Variants in TAOK3 observed in about 807,000 individuals in gnomAD.
TAOK3 encodes TAO kinase 3, also known as serine/threonine-protein kinase TAO3.
TAOK3 carries 40 observed loss-of-function variants against 120.4 expected under a neutral mutation model. The observed-to-expected ratio is 0.33, with a 90% CI of 0.26 to 0.43. The LOEUF is 0.43. TAOK3 is among the 20% of genes least tolerant of loss of function. The probability of loss-of-function intolerance (pLI) is 1.00; values close to 1 mark genes in which losing one functional copy is unlikely to be tolerated. For missense variants in TAOK3, 821 were observed against 1,112.1 expected (o/e 0.74, Z 3.72); for synonymous variants, 355 against 387.5 (o/e 0.92, Z 0.99).
At chr12:118,343,405 C>T (rs191408910) in intron 1 of TAOK3, among the ~76,000 whole-genome samples, 65 of 142,484 alleles carry the variant, frequency 4.6e-4, no homozygotes, top group East Asian at 8.5e-4. Context: ...CCAGCCTAGG[C>T]GACAGAGTGA....
chr12:118,279,076 TCA>T (rs1340838251), intron 1 of TAOK3, among the ~76,000 whole-genome samples: 1 of 152,122 alleles, frequency 6.6e-6, no homozygotes, highest in Non-Finnish European at 1.5e-5. Flanking sequence ...CCTTGGCCTC[TCA>T]GAGTGCTAGG....
intron 3 of TAOK3, 102 bp from the exon 4 acceptor site, chr12:118,245,067 T>C (rs751923117): frequency 1.8e-4 from 131 of 713,512 alleles, no homozygotes; most frequent in Non-Finnish European, 2.5e-4. Context: ...TATTTATTTA[T>C]TGACAGTCTC....
chr12:118,235,760 T>G, intron 7 of TAOK3, 89 bp from the exon 8 acceptor site: 3 of 807,098 alleles, frequency 3.7e-6, no homozygotes, highest in Non-Finnish European at 5.9e-6. Flanking sequence ...GACAAAAAGT[T>G]TATTTAAACG....
At chr12:118,330,401 C>T (rs866020498) in intron 1 of TAOK3, among the ~76,000 whole-genome samples, 5 of 152,148 alleles carry the variant, frequency 3.3e-5, no homozygotes, top group East Asian at 1.9e-4. Flanking sequence ...CATTTCTAAG[C>T]GAGTTTTAAA....
chr12:118,286,618 G>C (rs901414307), intron 1 of TAOK3, among the ~76,000 whole-genome samples: 1 of 151,760 alleles, frequency 6.6e-6, no homozygotes, highest in Non-Finnish European at 1.5e-5. Flanking sequence ...TGCACGGCTG[G>C]TGGGAATGTA....
At chr12:118,219,622 C>T (rs2039121888) in intron 9 of TAOK3, among the ~76,000 whole-genome samples, 1 of 151,922 alleles carries the variant, frequency 6.6e-6, no homozygotes, top group Admixed American at 6.6e-5. Context: ...TTTTTTGAGA[C>T]AGGGTCTTAC....
In TAOK3 at chr12:118,279,753, TTTGTTTTTATTG is replaced by T. The variant is rs200132065; in HGVS notation, c.-193-13006_-193-12995del. On this transcript the variant is annotated intron_variant, in intron 1 of 20. Transcript: ENST00000392533. Reference sequence around the variant, plus strand: ...CATGCAACACCATGCCCAGCTAATTTTTGTTTTTATTGTTGTTTTTTTTTTTTTTGAGACAGA... The same window carrying T: ...CATGCAACACCATGCCCAGCTAATTTTTGTTTTTTTTTTTTTTGAGACAGA... 6.4e-3 allele frequency among the ~76,000 whole-genome samples: 973 copies of T among 150,990 alleles called. 15 individuals are homozygous for T. The highest frequency in any genetic ancestry group is 0.022 in the African/African-American group (915 of 41,076).
chr12:118,246,071 G>A (rs1032948893), intron 3 of TAOK3: 2 of 992,770 alleles, frequency 2.0e-6, no homozygotes, highest in East Asian at 2.7e-5. Context: ...CTTCTTTTCC[G>A]AGAAAACAAC....
intron 1 of TAOK3, among the ~76,000 whole-genome samples, chr12:118,353,597 T>A (rs1457114955): frequency 6.6e-6 from 1 of 152,008 alleles, no homozygotes; most frequent in African/African-American, 2.4e-5. Flanking sequence ...AGATTCATCA[T>A]GATGAGTTGG....
chr12:118,364,740 A>G (rs2045697223), intron 1 of TAOK3, among the ~76,000 whole-genome samples: 1 of 152,042 alleles, frequency 6.6e-6, no homozygotes. Flanking sequence ...AAATCCCCCT[A>G]CTAAAAATAC....
At chr12:118,357,972 AT>A (rs2045464163) in intron 1 of TAOK3, among the ~76,000 whole-genome samples, 1 of 152,220 alleles carries the variant, frequency 6.6e-6, no homozygotes, top group Admixed American at 6.5e-5. Context: ...CATCCTATGC[AT>A]AATTATAAGA....
rs536572759 is a variant in TAOK3 at position 118,336,282 on chromosome 12, T to C, written c.-194+36366A>G. On this transcript the variant is annotated intron_variant, in intron 1 of 20. Transcript: ENST00000392533. ...ACAGAATAAAGAAAGAACCCAGAAA[T>C]AGACATACACGGATATGTCCATCTG... Among the ~76,000 whole-genome samples, 7 of 152,194 alleles carry C rather than the reference T, an allele frequency of 4.6e-5. No individual in the cohort carries two copies. The East Asian group carries it at 1.4e-3, about 29-fold the overall frequency.
rs567037009 is a variant in TAOK3, at chr12:118,211,079, C to T, written c.819+1835G>A. Among the ~76,000 whole-genome samples the T allele has an allele frequency of 4.2e-4, 64 of 152,286 alleles. No individual in the cohort carries two copies. In the East Asian group the frequency reaches 0.012, roughly 28 times the overall value. Reference sequence around the variant, plus strand: ...CTCCTTCTTGTAAGTTTCACAAGGGCAGGCACTATGTTTTTATTGTGTACT... The same window carrying T: ...CTCCTTCTTGTAAGTTTCACAAGGGTAGGCACTATGTTTTTATTGTGTACT... On this transcript the variant is annotated intron_variant, in intron 11 of 20. Coordinates refer to ENST00000392533, the MANE Select transcript of TAOK3 (RefSeq NM_016281.4).
intron 12 of TAOK3, 110 bp from the exon 13 acceptor site, chr12:118,199,367 C>T: frequency 1.2e-6 from 1 of 825,082 alleles, no homozygotes; most frequent in Non-Finnish European, 2.0e-6. Flanking sequence ...TGCTTTTCTG[C>T]CAATCTGCAA....
chr12:118,301,251 T>G (rs779887632), intron 1 of TAOK3, among the ~76,000 whole-genome samples: 1 of 152,168 alleles, frequency 6.6e-6, no homozygotes, highest in Admixed American at 6.5e-5. Context: ...CAAATGTCAC[T>G]GTCAAGCAAA....
chr12:118,201,009 A>C (rs2037992169), intron 12 of TAOK3: 1 of 265,682 alleles, frequency 3.8e-6, no homozygotes, highest in Non-Finnish European at 7.2e-6. Context: ...CATTTGTCAG[A>C]AACTACCCAC....
At chr12:118,228,870 G>A (rs1478024906) in intron 9 of TAOK3, among the ~76,000 whole-genome samples, 3 of 152,120 alleles carry the variant, frequency 2.0e-5, no homozygotes, top group African/African-American at 7.2e-5. Context: ...AGTGTCTTCT[G>A]ATGTTTGTTT....
intron 1 of TAOK3, among the ~76,000 whole-genome samples, chr12:118,300,937 G>A (rs1270923161): frequency 3.3e-5 from 5 of 151,868 alleles, no homozygotes; most frequent in African/African-American, 1.2e-4. Flanking sequence ...CACCACGCCC[G>A]GCTAATTTTT....
chr12:118,182,623 AT>A (rs1555215274), intron 14 of TAOK3, among the ~76,000 whole-genome samples: 6,043 of 92,014 alleles, frequency 0.066, 145 homozygotes, highest in Non-Finnish European at 0.07. Flanking sequence ...ATATATATAT[AT>A]TTTTTTTTTT....
Sources: gnomAD v4.1 joint callset for allele counts (sites outside exome capture counted in the v4.1 genomes callset) on GRCh38, gnomAD v4.1.1 for gene constraint, MANE v1.5 for transcripts, NCBI Gene and HGNC (gene_info 2026-07-23, HGNC 2026-07-21) for gene names.